The following LRMDA variants were observed in gnomAD, a reference collection of about 807,000 sequenced individuals.
LRMDA encodes leucine rich melanocyte differentiation associated, also known as leucine-rich melanocyte differentiation-associated protein.
In LRMDA, 18 loss-of-function variants were observed where a neutral mutation model predicts 29.8. That is an observed-to-expected ratio of 0.60 (90% CI 0.42 to 0.90). LRMDA has a LOEUF of 0.90. LRMDA is among the 40% of genes least tolerant of loss of function. The pLI is 0.00. For missense variants in LRMDA, 273 were observed against 273.9 expected (o/e 1.00, Z 0.02); for synonymous variants, 125 against 109.4 (o/e 1.14, Z -0.89).
At chr10:75,776,375 A>G (rs1843312074) in intron 2 of LRMDA, among the ~76,000 whole-genome samples, 1 of 152,198 alleles carries the variant, frequency 6.6e-6, no homozygotes, top group South Asian at 2.1e-4. Context: ...CTCAGAAACC[A>G]CTAGGTTTTC....
At chr10:76,101,557 G>A (rs1457731703) in intron 5 of LRMDA, among the ~76,000 whole-genome samples, 1 of 152,062 alleles carries the variant, frequency 6.6e-6, no homozygotes, top group African/African-American at 2.4e-5. Context: ...ACCAACATGG[G>A]GAAGCTCTGT....
At chr10:76,502,833 G>T (rs1341544707) in intron 6 of LRMDA, among the ~76,000 whole-genome samples, 2 of 149,822 alleles carry the variant, frequency 1.3e-5, no homozygotes, top group African/African-American at 2.5e-5. Context: ...GAATCATTTT[G>T]TCAGAGAAGA....
At chr10:75,692,327 A>ATG (rs1359137673) in intron 2 of LRMDA, among the ~76,000 whole-genome samples, 3 of 147,522 alleles carry the variant, frequency 2.0e-5, no homozygotes, top group Admixed American at 6.8e-5. Context: ...ATACATATGT[A>ATG]TATATATGTA....
intron 2 of LRMDA, among the ~76,000 whole-genome samples, chr10:75,522,301 C>T (rs1269790312): frequency 2.0e-5 from 3 of 152,126 alleles, no homozygotes; most frequent in African/African-American, 7.2e-5. Flanking sequence ...AGGCCACTGC[C>T]AAACACAGAT....
intron 5 of LRMDA, among the ~76,000 whole-genome samples, chr10:76,316,417 C>T (rs1840700111): frequency 1.3e-5 from 2 of 152,070 alleles, no homozygotes; most frequent in Admixed American, 6.6e-5. Context: ...TGCTCACTCA[C>T]ACACCCCTTG....
intron 2 of LRMDA, among the ~76,000 whole-genome samples, chr10:75,579,801 A>G (rs1386612803): frequency 1.3e-5 from 2 of 152,210 alleles, no homozygotes; most frequent in African/African-American, 4.8e-5. Flanking sequence ...CATCACATAA[A>G]CAGAACCAAT....
chr10:75,449,112 A>G (rs1384086645), intron 2 of LRMDA, among the ~76,000 whole-genome samples: 2 of 149,612 alleles, frequency 1.3e-5, no homozygotes, highest in Non-Finnish European at 3.0e-5. Context: ...AGATCGTGCC[A>G]CTGCACTCCA....
intron 2 of LRMDA, among the ~76,000 whole-genome samples, chr10:75,553,557 A>G (rs1202404392): frequency 6.6e-6 from 1 of 152,004 alleles, no homozygotes; most frequent in Non-Finnish European, 1.5e-5. Context: ...TCTGTCTCAT[A>G]TTTGTTGGGA....
intron 5 of LRMDA, among the ~76,000 whole-genome samples, chr10:76,297,977 C>G (rs1435610177): frequency 6.6e-6 from 1 of 152,190 alleles, no homozygotes; most frequent in Non-Finnish European, 1.5e-5. Flanking sequence ...CCGCATGTGC[C>G]GACTGAAGTC....
chr10:75,876,986 C>CA (rs1213929738), intron 2 of LRMDA, among the ~76,000 whole-genome samples: 7 of 152,068 alleles, frequency 4.6e-5, no homozygotes, highest in Admixed American at 3.3e-4. Context: ...GCTGCTGGCC[C>CA]ACCAGCCACA....
intron 5 of LRMDA, among the ~76,000 whole-genome samples, chr10:76,316,323 T>C (rs1450434304): frequency 6.6e-6 from 1 of 152,206 alleles, no homozygotes; most frequent in Non-Finnish European, 1.5e-5. Flanking sequence ...CAGCCTCTCT[T>C]GGAGCCAGCG....
At chr10:75,579,027 A>G (rs1373832271) in intron 2 of LRMDA, among the ~76,000 whole-genome samples, 1 of 152,134 alleles carries the variant, frequency 6.6e-6, no homozygotes, top group Non-Finnish European at 1.5e-5. Context: ...GGAGCAAACA[A>G]ATTCAAAATC....
At chr10:76,243,568 G>A (rs1852319299) in intron 5 of LRMDA, among the ~76,000 whole-genome samples, 1 of 152,174 alleles carries the variant, frequency 6.6e-6, no homozygotes, top group Non-Finnish European at 1.5e-5. Flanking sequence ...TAGAGGAAGA[G>A]CAAGGTATAA....
chr10:75,915,301 A>G (rs1845915291), intron 2 of LRMDA, among the ~76,000 whole-genome samples: 1 of 151,022 alleles, frequency 6.6e-6, no homozygotes, highest in Non-Finnish European at 1.5e-5. Flanking sequence ...ATGCCCAGCT[A>G]ATTTTTGTAT....
intron 5 of LRMDA, among the ~76,000 whole-genome samples, chr10:76,239,508 T>G (rs1004563744): frequency 2.0e-5 from 3 of 152,178 alleles, no homozygotes; most frequent in Admixed American, 1.3e-4. Flanking sequence ...GCTGTATCCC[T>G]TTGATCTTTT....
At chr10:75,549,615 C>A (rs931864892) in intron 2 of LRMDA, among the ~76,000 whole-genome samples, 1 of 152,134 alleles carries the variant, frequency 6.6e-6, no homozygotes, top group Non-Finnish European at 1.5e-5. Flanking sequence ...GCCACTGCTT[C>A]AGGTTATTTT....
intron 5 of LRMDA, among the ~76,000 whole-genome samples, chr10:76,314,294 A>G (rs1214534086): frequency 1.3e-5 from 2 of 152,008 alleles, no homozygotes; most frequent in Admixed American, 6.6e-5. Context: ...TTGGTCTCCA[A>G]CTCCTGGGCT....
At chr10:75,738,398 CT>C (rs1842791272) in intron 2 of LRMDA, among the ~76,000 whole-genome samples, 1 of 152,174 alleles carries the variant, frequency 6.6e-6, no homozygotes, top group Middle Eastern at 3.2e-3. Context: ...CACTATTGGA[CT>C]CTCCTTGTCC....
At chr10:76,372,352 C>G (rs1167131465) in intron 6 of LRMDA, among the ~76,000 whole-genome samples, 1 of 152,148 alleles carries the variant, frequency 6.6e-6, no homozygotes, top group Non-Finnish European at 1.5e-5. Context: ...GTGGCTCACA[C>G]CTGTAATCCC....
Sources: allele counts gnomAD v4.1 joint callset (sites outside exome capture counted in the v4.1 genomes callset), GRCh38; gene constraint gnomAD v4.1.1; transcripts MANE v1.5; gene names NCBI Gene and HGNC (gene_info 2026-07-23, HGNC 2026-07-21).